Variants in CLMN observed in about 807,000 individuals in gnomAD.
CLMN encodes the protein calmin.
In CLMN, 57 loss-of-function variants were observed where a neutral mutation model predicts 92.7. The observed-to-expected ratio is 0.61, with a 90% CI of 0.50 to 0.77. The LOEUF (loss-of-function observed/expected upper bound fraction) is 0.77. CLMN is among the 30% of genes least tolerant of loss of function. CLMN has a pLI of 0.00. For synonymous variants in CLMN, 466 were observed against 470.6 expected (o/e 0.99, Z 0.13); for missense variants, 1,158 against 1,237.5 (o/e 0.94, Z 0.96).
intron 8 of CLMN, among the ~76,000 whole-genome samples, chr14:95,206,083 G>GA (rs559914166): frequency 1.3e-4 from 20 of 151,956 alleles, no homozygotes; most frequent in Non-Finnish European, 2.2e-4. Context: ...ACACTGAAAG[G>GA]AAAAAAATGG....
intron 1 of CLMN, among the ~76,000 whole-genome samples, chr14:95,311,002 C>G (rs1901512428): frequency 6.6e-6 from 1 of 152,234 alleles, no homozygotes; most frequent in African/African-American, 2.4e-5. Context: ...CGGAGCAGGA[C>G]GGGCACACTG....
At chr14:95,220,508 C>T (rs546001493) in intron 4 of CLMN, among the ~76,000 whole-genome samples, 7 of 152,302 alleles carry the variant, frequency 4.6e-5, no homozygotes, top group South Asian at 2.1e-4. Context: ...TCCACTTGTC[C>T]GTGGGTGGAC....
intron 6 of CLMN, among the ~76,000 whole-genome samples, 161 bp downstream of exon 6, chr14:95,213,058 A>G (rs1331184640): frequency 1.3e-5 from 2 of 152,182 alleles, no homozygotes; most frequent in South Asian, 4.1e-4. Context: ...AAGTGCTGGG[A>G]TTACAGGCAT....
chr14:95,308,950 A>T (rs1901406937), intron 1 of CLMN, among the ~76,000 whole-genome samples: 1 of 152,156 alleles, frequency 6.6e-6, no homozygotes, highest in African/African-American at 2.4e-5. Flanking sequence ...AAGAAAAAAA[A>T]TGGGAAGTGT....
intron 12 of CLMN, chr14:95,192,433 G>A (rs541188992): frequency 1.3e-5 from 2 of 152,192 alleles, no homozygotes; most frequent in East Asian, 1.9e-4. Flanking sequence ...TTTGCCTGGG[G>A]CTGGGGCCTC....
intron 1 of CLMN, among the ~76,000 whole-genome samples, chr14:95,254,535 A>G (rs1487463656): frequency 6.6e-6 from 1 of 152,092 alleles, no homozygotes; most frequent in Non-Finnish European, 1.5e-5. Context: ...TTGGACGTCC[A>G]CCAGCCCCCT....
chr14:95,282,587 C>T (rs749097375), intron 1 of CLMN, among the ~76,000 whole-genome samples: 7 of 152,138 alleles, frequency 4.6e-5, no homozygotes, highest in Admixed American at 3.3e-4. Context: ...TATGCAGAGG[C>T]CAAACAAGCA....
Position 95,189,153 on chromosome 14 carries a change from C to G in CLMN, c.*2411G>C, listed in dbSNP as rs1390452188. 2.0e-5 allele frequency: 3 copies of G among 152,156 alleles called. No individual in the cohort carries two copies. The highest frequency in any genetic ancestry group is 7.2e-5 in the African/African-American group (3 of 41,428). The allele number at this position is 152,156 out of a possible 1,614,324, so 9.4% of individuals were successfully genotyped here. A position where few individuals can be genotyped will look rare whatever the true frequency, so the allele number is the denominator to read the frequency against. ...TACTAAATGATGTGATCTAGCTATA[C>G]TGGAAAACCAAAGCACGGTATGGTA... On this transcript the variant is annotated 3_prime_UTR_variant, in exon 13 of 13. Coordinates refer to ENST00000298912, the MANE Select transcript of CLMN (RefSeq NM_024734.4).
intron 1 of CLMN, among the ~76,000 whole-genome samples, chr14:95,253,609 G>GTT (rs796784147): frequency 3.6e-5 from 4 of 112,520 alleles, no homozygotes; most frequent in African/African-American, 1.5e-4. Flanking sequence ...GTGTTTTTTT[G>GTT]TTTTTTTGTT....
At chr14:95,315,109 G>T (rs982227675) in intron 1 of CLMN, among the ~76,000 whole-genome samples, 1 of 152,146 alleles carries the variant, frequency 6.6e-6, no homozygotes, top group East Asian at 1.9e-4. Context: ...TCTAGAGATA[G>T]GGAGGTAAAG....
At chr14:95,232,794 T>C (rs576449414) in intron 1 of CLMN, among the ~76,000 whole-genome samples, 11 of 152,342 alleles carry the variant, frequency 7.2e-5, no homozygotes, top group African/African-American at 2.6e-4. Flanking sequence ...CTTTGCAATA[T>C]GGATCCACTT....
chr14:95,242,770 TA>T (rs1440904930), intron 1 of CLMN, among the ~76,000 whole-genome samples: 2 of 151,508 alleles, frequency 1.3e-5, no homozygotes, highest in East Asian at 1.9e-4. Context: ...GGTTTCACTA[TA>T]TAGGCCAAGA....
intron 1 of CLMN, among the ~76,000 whole-genome samples, chr14:95,276,522 A>G (rs916656261): frequency 6.6e-6 from 1 of 152,110 alleles, no homozygotes; most frequent in East Asian, 1.9e-4. Flanking sequence ...GGCTGGCTGA[A>G]CTGTTGATAT....
intron 1 of CLMN, among the ~76,000 whole-genome samples, chr14:95,310,804 C>T (rs1451143800): frequency 6.6e-6 from 1 of 152,160 alleles, no homozygotes; most frequent in Non-Finnish European, 1.5e-5. Flanking sequence ...TGGACAAAGG[C>T]ACAGCAAGGG....
chr14:95,207,337 C>CT (rs1315801099), intron 8 of CLMN, among the ~76,000 whole-genome samples: 3 of 152,134 alleles, frequency 2.0e-5, no homozygotes, highest in African/African-American at 7.2e-5. Context: ...CCAGGCTGGT[C>CT]TTTAACTCCT....
chr14:95,278,885 CTG>C (rs1900037291), intron 1 of CLMN, among the ~76,000 whole-genome samples: 1 of 152,166 alleles, frequency 6.6e-6, no homozygotes, highest in African/African-American at 2.4e-5. Flanking sequence ...GGGATCTGTT[CTG>C]TTTTTGTCTT....
chr14:95,222,753 T>C (rs911388614), intron 3 of CLMN, among the ~76,000 whole-genome samples: 2 of 152,262 alleles, frequency 1.3e-5, no homozygotes, highest in African/African-American at 4.8e-5. Context: ...CGTAGCCCTC[T>C]GCGGGTGCCG....
At chr14:95,246,178 C>T (rs1898563876) in intron 1 of CLMN, among the ~76,000 whole-genome samples, 1 of 152,168 alleles carries the variant, frequency 6.6e-6, no homozygotes, top group South Asian at 2.1e-4. Context: ...AGAGCCCACA[C>T]CTTTCCCTTC....
rs1899014640 is a variant in CLMN at position 95,256,756 on chromosome 14, C to T, written c.83-26623G>A. ...AAATTGCCAAATGTAGGGCCCTGGT[C>T]CACATTGCACCGGGAAAACAGACAT... On this transcript the variant is annotated intron_variant, in intron 1 of 12. Transcript: ENST00000298912. The surrounding 1 kb of genome is among the most constrained non-coding windows in gnomAD (Gnocchi z 4.9). 6.6e-6 allele frequency among the ~76,000 whole-genome samples: 1 copy of T among 152,136 alleles called. No individual in the cohort carries two copies. The highest frequency in any genetic ancestry group is 1.5e-5 in the Non-Finnish European group (1 of 68,036).
Sources: gnomAD v4.1 joint callset for allele counts (sites outside exome capture counted in the v4.1 genomes callset) on GRCh38, gnomAD v4.1.1 for gene constraint, Gnocchi (gnomAD v3.1) non-coding constraint, MANE v1.5 for transcripts, NCBI Gene and HGNC (gene_info 2026-07-23, HGNC 2026-07-21) for gene names.